The following SGK3 variants were observed in gnomAD, a reference collection of about 807,000 sequenced individuals.
SGK3 encodes the protein serum/glucocorticoid regulated kinase family member 3.
In SGK3, 47 loss-of-function variants were observed where a neutral mutation model predicts 68.5. The ratio of observed to expected loss-of-function variants is 0.69; its 90% CI spans 0.54 to 0.87. SGK3 has a LOEUF of 0.87. Among genes scored for constraint, SGK3 ranks in the 40% least tolerant of loss-of-function variants. SGK3 has a pLI of 0.00. For synonymous variants in SGK3, 181 were observed against 189.1 expected (o/e 0.96, Z 0.35); for missense variants, 479 against 575.5 (o/e 0.83, Z 1.72).
chr8:66,750,231 C>T (rs1198606265), intron 1 of SGK3, among the ~76,000 whole-genome samples: 7 of 152,064 alleles, frequency 4.6e-5, no homozygotes, highest in African/African-American at 1.7e-4. Flanking sequence ...TTGTACATAT[C>T]TGGAAATGTT....
chr8:66,727,434 T>A (rs1023850978), intron 1 of SGK3, among the ~76,000 whole-genome samples: 1 of 152,208 alleles, frequency 6.6e-6, no homozygotes, highest in Non-Finnish European at 1.5e-5. Flanking sequence ...TATGATTCTC[T>A]TATTTAATAA....
chr8:66,806,814 G>GA (rs71249409), intron 4 of SGK3, among the ~76,000 whole-genome samples: 6,606 of 84,288 alleles, frequency 0.078, 247 homozygotes, highest in African/African-American at 0.15. Flanking sequence ...ACTCTGTCTC[G>GA]AAAAAAAAAA....
intron 16 of SGK3, among the ~76,000 whole-genome samples, chr8:66,855,360 G>C (rs1456024891): frequency 2.6e-5 from 4 of 152,054 alleles, no homozygotes; most frequent in Non-Finnish European, 4.4e-5. Context: ...GCACCACCAT[G>C]CCCAGCTAAT....
At chr8:66,767,906 C>G in intron 1 of SGK3, 1 of 1,188,896 alleles carries the variant, frequency 8.4e-7, no homozygotes, top group Non-Finnish European at 1.3e-6. Context: ...CCATCTAAGG[C>G]TTTGATTGAA....
intron 1 of SGK3, among the ~76,000 whole-genome samples, chr8:66,736,778 C>A (rs1219108097): frequency 6.6e-6 from 1 of 152,056 alleles, no homozygotes; most frequent in Non-Finnish European, 1.5e-5. Flanking sequence ...TGCCACCATG[C>A]CCAGCTAATT....
In SGK3 at chr8:66,841,865, C is replaced by T. The variant is rs191721222; in HGVS notation, c.978+755C>T. Among the ~76,000 whole-genome samples the T allele has an allele frequency of 4.7e-4, 71 of 152,264 alleles. 1 individual carries two copies. Among genetic ancestry groups the T allele is most frequent in the Middle Eastern group, 3.4e-3 (1 of 294 alleles). ...CAAATCATGTAAAAGCTTTATTATT[C>T]ATACTTCACACACATAAACAAGTTT... is the stretch of plus-strand genomic sequence containing the variant. On this transcript the variant is annotated intron_variant, in intron 13 of 16. Coordinates refer to ENST00000521198, the MANE Select transcript of SGK3 (RefSeq NM_001033578.3).
intron 1 of SGK3, among the ~76,000 whole-genome samples, chr8:66,759,091 T>C (rs1039915923): frequency 6.7e-6 from 1 of 149,528 alleles, no homozygotes; most frequent in Non-Finnish European, 1.5e-5. Flanking sequence ...TTTTTTTTTT[T>C]TTTTGAGACA....
intron 4 of SGK3, among the ~76,000 whole-genome samples, chr8:66,805,519 C>CA (rs566639848): frequency 0.044 from 2,990 of 67,250 alleles, 76 homozygotes; most frequent in African/African-American, 0.093. Flanking sequence ...GACTTCATCT[C>CA]AAAAAAAAAA....
At chr8:66,721,274 A>G (rs1235955733) in intron 1 of SGK3, among the ~76,000 whole-genome samples, 2 of 152,208 alleles carry the variant, frequency 1.3e-5, no homozygotes, top group Non-Finnish European at 2.9e-5. Flanking sequence ...TCTACAACAC[A>G]CAGTGTATAG....
chr8:66,772,560 AT>A (rs1251463218), intron 1 of SGK3, among the ~76,000 whole-genome samples: 11,640 of 124,090 alleles, frequency 0.094, 1,019 homozygotes, highest in African/African-American at 0.26. Context: ...ACACCTGGCT[AT>A]TTTTTTTTTT....
chr8:66,818,490 ACTGAATTATATCATCCC>A (rs1174401153), intron 5 of SGK3, among the ~76,000 whole-genome samples: 1 of 152,236 alleles, frequency 6.6e-6, no homozygotes, highest in Non-Finnish European at 1.5e-5. Flanking sequence ...AATAAATGTA[ACTGAATTATATCATCCC>A]CTTAGGCCAA....
intron 1 of SGK3, among the ~76,000 whole-genome samples, chr8:66,785,584 A>G (rs1807165628): frequency 6.6e-6 from 1 of 152,152 alleles, no homozygotes; most frequent in Non-Finnish European, 1.5e-5. Context: ...ACAAGTTGTG[A>G]CAACCAAAAA....
chr8:66,751,980 G>T (rs1054244061), intron 1 of SGK3, among the ~76,000 whole-genome samples: 3 of 152,094 alleles, frequency 2.0e-5, no homozygotes, highest in African/African-American at 7.2e-5. Context: ...GGTCAGGCTG[G>T]TCTCGAACTC....
At chr8:66,837,445 T>C (rs1585792718) in intron 10 of SGK3, among the ~76,000 whole-genome samples, 1 of 152,226 alleles carries the variant, frequency 6.6e-6, no homozygotes, top group East Asian at 1.9e-4. Flanking sequence ...TGGGGGAAGA[T>C]TGTAAAAAGA....
At chr8:66,717,190 A>G (rs551744646) in intron 1 of SGK3, among the ~76,000 whole-genome samples, 1 of 146,124 alleles carries the variant, frequency 6.8e-6, no homozygotes, top group East Asian at 2.0e-4. Context: ...GGGCAACAAG[A>G]GTGAAACTCT....
intron 16 of SGK3, among the ~76,000 whole-genome samples, chr8:66,854,655 T>TA (rs1398232260): frequency 6.6e-6 from 1 of 152,166 alleles, no homozygotes; most frequent in Non-Finnish European, 1.5e-5. Context: ...AGGAAGGGAT[T>TA]ACTATGAAAA....
chr8:66,755,258 C>CA (rs57985306), intron 1 of SGK3, among the ~76,000 whole-genome samples: 1,147 of 86,696 alleles, frequency 0.013, 18 homozygotes, highest in African/African-American at 0.029. Flanking sequence ...GACTCCATCT[C>CA]AAAAAAAAAA....
intron 16 of SGK3, among the ~76,000 whole-genome samples, chr8:66,858,976 A>G (rs1810644960): frequency 6.6e-6 from 1 of 152,170 alleles, no homozygotes. Context: ...CAAGGGAATG[A>G]ATTAGGAAGA....
At chr8:66,791,755 TAGG>T (rs1807465578) in intron 1 of SGK3, among the ~76,000 whole-genome samples, 1 of 152,084 alleles carries the variant, frequency 6.6e-6, no homozygotes, top group Non-Finnish European at 1.5e-5. Context: ...GTCTCTGCTG[TAGG>T]AGGAGAAGCA....
Sources: gnomAD v4.1 joint callset for allele counts (sites outside exome capture counted in the v4.1 genomes callset) on GRCh38, gnomAD v4.1.1 for gene constraint, MANE v1.5 for transcripts, NCBI Gene and HGNC (gene_info 2026-07-23, HGNC 2026-07-21) for gene names.